SPATA17: variants seen among roughly 807,000 people sequenced by gnomAD.
SPATA17 encodes spermatogenesis associated 17, also known as spermatogenesis-associated protein 17.
A neutral mutation model predicts 62.2 loss-of-function variants in SPATA17; 53 were observed. That is an observed-to-expected ratio of 0.85 (90% CI 0.68 to 1.07). The LOEUF (loss-of-function observed/expected upper bound fraction) is 1.07, where lower values mean the gene tolerates loss of function less well. Among genes scored for constraint, SPATA17 ranks in the 50% least tolerant of loss-of-function variants. The probability of loss-of-function intolerance (pLI) is 0.00; values close to 1 mark genes in which losing one functional copy is unlikely to be tolerated. For synonymous variants in SPATA17, 146 were observed against 146.8 expected (o/e 0.99, Z 0.04); for missense variants, 466 against 425.5 (o/e 1.10, Z -0.84).
chr1:217,786,727 T>G (rs1673872303), intron 8 of SPATA17, among the ~76,000 whole-genome samples: 1 of 151,282 alleles, frequency 6.6e-6, no homozygotes, highest in Non-Finnish European at 1.5e-5. Flanking sequence ...AGAACTAAAA[T>G]GATAGAAGGA....
At position 217,654,922 on chromosome 1, in the gene SPATA17, A is replaced by AG. The variant is rs200259660; in HGVS notation, c.240+3745dup. The stretch of plus-strand genomic sequence containing the variant: ...GAGATGGGGTTTTGCCGTGTTAGCC[A>AG]GATGGTCTCAATCTCCTGACCTTGT... On this transcript the variant is annotated intron_variant, in intron 3 of 10. Transcript: ENST00000366933. Among the ~76,000 whole-genome samples, 940 of 152,214 alleles carry AG rather than the reference A, an allele frequency of 6.2e-3. 4 individuals are homozygous for AG. The highest frequency in any genetic ancestry group is 0.011 in the South Asian group (52 of 4,818).
rs1676082917 is a variant in SPATA17 at position 217,869,295 on chromosome 1, C to T, written c.*2276C>T. Reference sequence around the variant, plus strand: ...TTGGCAATTGGTTCAAAGAATTTATCTAAAGACCTGGAATCCATAGAAGGC... The same window carrying T: ...TTGGCAATTGGTTCAAAGAATTTATTTAAAGACCTGGAATCCATAGAAGGC... On this transcript the variant is annotated 3_prime_UTR_variant, in exon 11 of 11. Coordinates refer to ENST00000366933, the MANE Select transcript of SPATA17 (RefSeq NM_138796.4). The T allele has an allele frequency of 6.6e-6, 1 of 152,102 alleles. No homozygotes were observed. The highest frequency in any genetic ancestry group is 2.4e-5 in the African/African-American group (1 of 41,424). The allele number at this position is 152,102 out of a possible 1,614,324, so 9.4% of individuals were successfully genotyped here.
At chr1:217,653,044 C>T (rs1187866966) in intron 3 of SPATA17, among the ~76,000 whole-genome samples, 1 of 152,118 alleles carries the variant, frequency 6.6e-6, no homozygotes, top group Non-Finnish European at 1.5e-5. Flanking sequence ...AGGCAGTTTG[C>T]TTAGAGTAAT....
chr1:217,695,846 C>T (rs1671443563), intron 5 of SPATA17, among the ~76,000 whole-genome samples: 1 of 112,564 alleles, frequency 8.9e-6, no homozygotes, highest in African/African-American at 3.7e-5. Context: ...GGCAGTCTGC[C>T]CGTTCTCAGA....
intron 3 of SPATA17, among the ~76,000 whole-genome samples, chr1:217,654,887 AT>A (rs1670404785): frequency 6.6e-6 from 1 of 151,722 alleles, no homozygotes; most frequent in South Asian, 2.1e-4. Context: ...TAATTTTTGT[AT>A]TTTTAGTAGA....
chr1:217,748,589 A>T (rs992428887), intron 6 of SPATA17, among the ~76,000 whole-genome samples: 1 of 151,436 alleles, frequency 6.6e-6, no homozygotes, highest in Non-Finnish European at 1.5e-5. Flanking sequence ...TTGAAAGTAT[A>T]AAAAAATTAG....
chr1:217,720,887 T>C (rs12090355), intron 5 of SPATA17, among the ~76,000 whole-genome samples: 28,544 of 152,084 alleles, frequency 0.19, 2,961 homozygotes, highest in African/African-American at 0.28. Context: ...TGCAGCCTGC[T>C]GGATTGTGGA....
At chr1:217,805,405 G>A (rs554691470) in intron 9 of SPATA17, among the ~76,000 whole-genome samples, 6 of 152,218 alleles carry the variant, frequency 3.9e-5, no homozygotes, top group African/African-American at 1.4e-4. Flanking sequence ...AATGAGAAGG[G>A]GATGTTTGTC....
At chr1:217,685,628 T>G (rs1406798051) in intron 5 of SPATA17, among the ~76,000 whole-genome samples, 2 of 152,198 alleles carry the variant, frequency 1.3e-5, no homozygotes, top group Non-Finnish European at 2.9e-5. Context: ...TAGAGCTATA[T>G]TCTATTAATA....
intron 6 of SPATA17, among the ~76,000 whole-genome samples, chr1:217,758,544 G>C (rs1315510179): frequency 6.6e-6 from 1 of 152,082 alleles, no homozygotes; most frequent in Non-Finnish European, 1.5e-5. Context: ...GGTGGAGGTG[G>C]GAATTTGGAT....
chr1:217,643,970 T>C (rs1214926246), intron 1 of SPATA17, among the ~76,000 whole-genome samples: 1 of 152,048 alleles, frequency 6.6e-6, no homozygotes, highest in East Asian at 1.9e-4. Flanking sequence ...TCAGGTGATC[T>C]GCCCACCTCG....
intron 1 of SPATA17, among the ~76,000 whole-genome samples, chr1:217,643,568 G>C (rs1336261350): frequency 2.6e-5 from 4 of 152,046 alleles, no homozygotes; most frequent in Non-Finnish European, 5.9e-5. Context: ...CTCATGCTGA[G>C]CCACTGTGAC....
intron 9 of SPATA17, among the ~76,000 whole-genome samples, chr1:217,857,068 G>A (rs938005561): frequency 6.6e-6 from 1 of 152,146 alleles, no homozygotes; most frequent in Non-Finnish European, 1.5e-5. Context: ...AGCTGAATAT[G>A]TAAGACATTA....
chr1:217,741,988 GA>G lies in SPATA17; in HGVS notation c.410del (p.Glu137GlyfsTer5). 6.2e-7 allele frequency: 1 copy of G among 1,614,008 alleles called. No homozygotes were observed. Among genetic ancestry groups the G allele is most frequent in the Non-Finnish European group, 8.5e-7 (1 of 1,179,936 alleles). On this transcript the variant is annotated frameshift_variant, in exon 6 of 11. Transcript: ENST00000366933. LOFTEE classifies it high-confidence loss of function. ...GTTTTGATGCAGGAAGGCACTGGAG[GA>G]GTTTGCAGAAATGAAAGAAAGAGAA... The part of the protein sequence containing the change: ...TNDAIRKALE[E>X]FAEMKEREEK...
intron 5 of SPATA17, among the ~76,000 whole-genome samples, chr1:217,690,433 T>C (rs1671322038): frequency 1.3e-5 from 2 of 150,812 alleles, no homozygotes; most frequent in African/African-American, 2.4e-5. Context: ...AAGTACTATT[T>C]GGTCCTTTTT....
chr1:217,758,729 G>A (rs991625028), intron 6 of SPATA17, among the ~76,000 whole-genome samples: 1 of 152,188 alleles, frequency 6.6e-6, no homozygotes, highest in Non-Finnish European at 1.5e-5. Flanking sequence ...CTAAGTGAGG[G>A]TGAAAAGGAG....
intron 5 of SPATA17, among the ~76,000 whole-genome samples, chr1:217,703,333 G>T (rs1372817126): frequency 2.0e-5 from 3 of 151,698 alleles, no homozygotes; most frequent in Non-Finnish European, 4.4e-5. Context: ...CACCATGCCC[G>T]GCTAGCTTTT....
At chr1:217,819,402 G>A (rs4332416) in intron 9 of SPATA17, among the ~76,000 whole-genome samples, 9,612 of 151,672 alleles carry the variant, frequency 0.063, 399 homozygotes, top group East Asian at 0.15. Context: ...TTTCATTTCT[G>A]ACTCAAAGGT....
chr1:217,860,568 G>C (rs897348522), intron 9 of SPATA17, among the ~76,000 whole-genome samples: 1 of 152,062 alleles, frequency 6.6e-6, no homozygotes, highest in Non-Finnish European at 1.5e-5. Flanking sequence ...ACACTCTATT[G>C]CTAGGCACTT....
Sources: gnomAD v4.1 joint callset for allele counts (sites outside exome capture counted in the v4.1 genomes callset) on GRCh38, gnomAD v4.1.1 for gene constraint, MANE v1.5 for transcripts, NCBI Gene and HGNC (gene_info 2026-07-23, HGNC 2026-07-21) for gene names.